Variants in SPA17 observed in about 807,000 individuals in gnomAD.
SPA17 encodes the protein sperm autoantigenic protein 17, also known as sperm surface protein Sp17.
Under a neutral mutation model 13.8 loss-of-function variants are expected in SPA17, and 7 were observed. The ratio of observed to expected loss-of-function variants is 0.51; its 90% confidence interval spans 0.29 to 0.95. SPA17 has a LOEUF of 0.95. Ranked by LOEUF, SPA17 falls within the 40% of genes least tolerant of loss-of-function variation. The pLI is 0.08. For missense variants in SPA17, 170 were observed against 179.3 expected (o/e 0.95, Z 0.30); for synonymous variants, 61 against 59.0 (o/e 1.03, Z -0.16).
chr11:124,685,981 T>C (rs1317422042), intron 3 of SPA17, among the ~76,000 whole-genome samples: 1 of 152,194 alleles, frequency 6.6e-6, no homozygotes. Flanking sequence ...CTTGGACTTT[T>C]GGGTTAATGC....
At chr11:124,690,948 G>A (rs1041733808) in intron 3 of SPA17, among the ~76,000 whole-genome samples, 9 of 151,962 alleles carry the variant, frequency 5.9e-5, no homozygotes, top group African/African-American at 1.9e-4. Context: ...TAGATTCTCT[G>A]TGCTCATGTT....
Position 124,696,114 on chromosome 11 carries a change from A to G in SPA17, c.*1668A>G, listed in dbSNP as rs544151704. 2 of 152,330 alleles carry G rather than the reference A, an allele frequency of 1.3e-5. No individual in the cohort carries two copies. Among genetic ancestry groups the G allele is most frequent in the South Asian group, 4.1e-4 (2 of 4,830 alleles). 9.4% of individuals were successfully genotyped at this position (152,330 alleles called of 1,614,324 possible). ...TCTTGCTGCCACTGTAGAGAGTTTC[A>G]TGCTAGCTAAACACAAGTCTCTAAT... On this transcript the variant is annotated 3_prime_UTR_variant, in exon 5 of 5. Coordinates refer to ENST00000227135, the MANE Select transcript of SPA17 (RefSeq NM_017425.4).
At chr11:124,694,119 CCTG>C (rs1336042731) in intron 4 of SPA17, among the ~76,000 whole-genome samples, 181 bp from the exon 5 acceptor site, 1 of 152,116 alleles carries the variant, frequency 6.6e-6, no homozygotes, top group Non-Finnish European at 1.5e-5. Flanking sequence ...AAACAAAATG[CCTG>C]CTATTTTGGC....
chr11:124,680,534 C>T (rs1340805300), intron 2 of SPA17, among the ~76,000 whole-genome samples: 1 of 152,118 alleles, frequency 6.6e-6, no homozygotes, highest in Admixed American at 6.6e-5. Context: ...GCTGTGTGTG[C>T]CCGTTTTCGG....
intron 4 of SPA17, among the ~76,000 whole-genome samples, chr11:124,692,599 C>T (rs1340241740): frequency 1.3e-5 from 2 of 151,908 alleles, no homozygotes; most frequent in Non-Finnish European, 2.9e-5. Flanking sequence ...AAAAAAAAGA[C>T]ATAGCGAAGT....
Position 124,696,377 on chromosome 11 carries a change from T to G in SPA17, c.*1931T>G, listed in dbSNP as rs1375459817. Reference sequence around the variant, plus strand: ...GAGATCAGAAGAGGAAAAAAGGGATTTTTTCCCTAGTGAGTATATAGCAGG... The same window carrying G: ...GAGATCAGAAGAGGAAAAAAGGGATGTTTTCCCTAGTGAGTATATAGCAGG... On this transcript the variant is annotated 3_prime_UTR_variant, in exon 5 of 5. Transcript: ENST00000227135. 1 of 151,874 alleles carries G rather than the reference T, an allele frequency of 6.6e-6. No individual in the cohort carries two copies. Among genetic ancestry groups the G allele is most frequent in the Non-Finnish European group, 1.5e-5 (1 of 68,000 alleles). 9.4% of individuals were successfully genotyped at this position (151,874 alleles called of 1,614,324 possible). A position where few individuals can be genotyped will look rare whatever the true frequency, so the allele number is the denominator to read the frequency against.
At position 124,691,731 on chromosome 11, in the gene SPA17, A is replaced by G; in HGVS notation, c.261A>G (p.Gln87=). ...QEPPEKSDPK[Q]EESQISGKEE... ...CACCTGAGAAAAGTGATCCTAAACA[A>G]GAAGAGTCTCAGATATCTGGGAAGG... The change falls in exon 4 of 5, where the codon CAA becomes CAG. Residue 87 remains glutamine, a synonymous_variant. Coordinates refer to ENST00000227135, the MANE Select transcript of SPA17 (RefSeq NM_017425.4). The G allele has an allele frequency of 6.2e-7, 1 of 1,612,738 alleles. No individual in the cohort carries two copies. Among genetic ancestry groups the G allele is most frequent in the Middle Eastern group, 1.7e-4 (1 of 6,042 alleles).
At chr11:124,676,477 C>A (rs539131919) in intron 2 of SPA17, among the ~76,000 whole-genome samples, 9 of 152,290 alleles carry the variant, frequency 5.9e-5, no homozygotes, top group African/African-American at 1.4e-4. Context: ...TGGAAGAAAA[C>A]CTAGCACAAG....
rs182889693 is a variant in SPA17 at position 124,675,039 on chromosome 11, G to A, written c.-27-199G>A. 73 of 377,958 alleles carry A rather than the reference G, an allele frequency of 1.9e-4. 1 individual carries two copies. Among genetic ancestry groups the A allele is most frequent in the Middle Eastern group, 7.3e-4 (1 of 1,376 alleles). The allele number at this position is 377,958 out of a possible 1,614,324, so 23.4% of individuals were successfully genotyped here. A position where few individuals can be genotyped will look rare whatever the true frequency, so the allele number is the denominator to read the frequency against. On this transcript the variant is annotated intron_variant, in intron 1 of 4. Transcript: ENST00000227135. Reference sequence around the variant, plus strand: ...TTTTAAATGATTTGGCCTAGTGAATGGGTCTGTGTTTGTATTATACTAATT... The same window carrying A: ...TTTTAAATGATTTGGCCTAGTGAATAGGTCTGTGTTTGTATTATACTAATT...
intron 2 of SPA17, 55 bp downstream of exon 2, chr11:124,675,473 T>C (rs1402432010): frequency 1.8e-5 from 28 of 1,579,016 alleles, no homozygotes; most frequent in Non-Finnish European, 2.2e-5. Flanking sequence ...CATTTGTTTA[T>C]GGTAAAACTT....
chr11:124,684,340 C>A (rs1002832410), intron 3 of SPA17, among the ~76,000 whole-genome samples: 2 of 152,102 alleles, frequency 1.3e-5, no homozygotes, highest in Non-Finnish European at 2.9e-5. Context: ...TGGCTCACTG[C>A]AACCCCTGCC....
chr11:124,692,961 A>G (rs986304297), intron 4 of SPA17, among the ~76,000 whole-genome samples: 20 of 152,216 alleles, frequency 1.3e-4, no homozygotes, highest in South Asian at 4.1e-4. Context: ...GCTTTTCCCT[A>G]TAAGATTTAC....
At position 124,694,558 on chromosome 11, in the gene SPA17, C is replaced by A; in HGVS notation, c.*112C>A. Reference sequence around the variant, plus strand: ...AGATTTGATGTTGTGAAATAACATTCGTTACTGTTGTGAAAATCTGTCATG... The same window carrying A: ...AGATTTGATGTTGTGAAATAACATTAGTTACTGTTGTGAAAATCTGTCATG... On this transcript the variant is annotated 3_prime_UTR_variant, in exon 5 of 5. Coordinates refer to ENST00000227135, the MANE Select transcript of SPA17 (RefSeq NM_017425.4). The A allele has an allele frequency of 7.3e-7, 1 of 1,364,760 alleles. No individual in the cohort carries two copies. The highest frequency in any genetic ancestry group is 1.0e-6 in the Non-Finnish European group (1 of 1,002,574). 84.5% of individuals were successfully genotyped at this position (1,364,760 alleles called of 1,614,324 possible).
In SPA17 at chr11:124,695,122, C is replaced by CA. The variant is rs761776414; in HGVS notation, c.*684dup. 7 of 152,254 alleles carry CA rather than the reference C, an allele frequency of 4.6e-5. No individual in the cohort carries two copies. Among genetic ancestry groups the CA allele is most frequent in the African/African-American group, 7.3e-5 (3 of 41,264 alleles). 9.4% of individuals were successfully genotyped at this position (152,254 alleles called of 1,614,324 possible). The stretch of plus-strand genomic sequence containing the variant: ...ACTCTGTCTCAAAAACAAAACAAAA[C>CA]AAAAAAAAGCCTCTGCCTCCTTGTA... On this transcript the variant is annotated 3_prime_UTR_variant, in exon 5 of 5. Transcript: ENST00000227135.
chr11:124,688,359 A>G (rs891590677), intron 3 of SPA17, among the ~76,000 whole-genome samples: 1 of 152,208 alleles, frequency 6.6e-6, no homozygotes, highest in Non-Finnish European at 1.5e-5. Flanking sequence ...TCCACCAGAA[A>G]ACTCTTAGAT....
In SPA17 at chr11:124,688,694, A is replaced by G. The variant is rs185419271; in HGVS notation, c.226-3002A>G. Among the ~76,000 whole-genome samples the G allele has an allele frequency of 7.2e-4, 110 of 152,342 alleles. 1 individual carries two copies. The highest frequency in any genetic ancestry group is 2.4e-3 in the African/African-American group (99 of 41,582). ...TACAGATTCAGTGCTGTCCCTATCA[A>G]AGCACCAACTCACTTTTCACAGAAT... On this transcript the variant is annotated intron_variant, in intron 3 of 4. Transcript: ENST00000227135.
chr11:124,682,019 T>C (rs1943534539), intron 3 of SPA17, among the ~76,000 whole-genome samples: 2 of 152,186 alleles, frequency 1.3e-5, no homozygotes, highest in Admixed American at 1.3e-4. Context: ...AAGCTAGCTT[T>C]TTCAGAGTCT....
Position 124,696,268 on chromosome 11 carries a change from C to G in SPA17, c.*1822C>G, listed in dbSNP as rs1943670275. On this transcript the variant is annotated 3_prime_UTR_variant, in exon 5 of 5. Transcript: ENST00000227135. Reference sequence around the variant, plus strand: ...AAAGCACCAGCTTCTAACACCTTCCCCTCTCAGACAGAGCCATCCTGCTTA... The same window carrying G: ...AAAGCACCAGCTTCTAACACCTTCCGCTCTCAGACAGAGCCATCCTGCTTA... 2 of 152,214 alleles carry G rather than the reference C, an allele frequency of 1.3e-5. No individual in the cohort carries two copies. Among genetic ancestry groups the G allele is most frequent in the Admixed American group, 1.3e-4 (2 of 15,268 alleles). The allele number at this position is 152,214 out of a possible 1,614,324, so 9.4% of individuals were successfully genotyped here.
chr11:124,681,298 T>A (rs1943526836), intron 2 of SPA17, 91 bp from the exon 3 acceptor site: 2 of 1,066,104 alleles, frequency 1.9e-6, no homozygotes, highest in East Asian at 5.8e-5. Flanking sequence ...AACCTGTAAT[T>A]TGAAACAAGA....
Sources: allele counts gnomAD v4.1 joint callset (sites outside exome capture counted in the v4.1 genomes callset), GRCh38; gene constraint gnomAD v4.1.1; transcripts MANE v1.5; gene names NCBI Gene and HGNC (gene_info 2026-07-23, HGNC 2026-07-21).